BCAS3: variants seen among roughly 807,000 people sequenced by gnomAD.
The protein encoded by BCAS3 is BCAS3 microtubule associated cell migration factor, also known as BCAS4/BCAS3 fusion.
BCAS3 carries 53 observed loss-of-function variants against 116.1 expected under a neutral mutation model. The observed-to-expected ratio is 0.46, with a 90% CI of 0.37 to 0.57. The LOEUF is 0.57. Among genes scored for constraint, BCAS3 ranks in the 20% least tolerant of loss-of-function variants. BCAS3 has a pLI of 0.00. For missense variants in BCAS3, 917 were observed against 1,165.4 expected, an observed-to-expected ratio of 0.79 and a Z score of 3.10; for synonymous variants, 391 against 408.2, an observed-to-expected ratio of 0.96 and a Z score of 0.51.
chr17:61,122,698 G>A lies in BCAS3; in HGVS notation c.2425+38134G>A, dbSNP rs1312485829. On this transcript the variant is annotated intron_variant, in intron 22 of 23. Coordinates refer to ENST00000407086, the MANE Select transcript of BCAS3 (RefSeq NM_017679.5). The surrounding 1 kb of genome is among the most constrained non-coding windows in gnomAD (Gnocchi z 4.6). ...ATACATTTCCTTAAACTCACATGCT[G>A]AATTTTCCCACATAGACAAAAAACA... Among the ~76,000 whole-genome samples the A allele has an allele frequency of 6.6e-6, 1 of 152,000 alleles. No individual in the cohort carries two copies. Among genetic ancestry groups the A allele is most frequent in the Non-Finnish European group, 1.5e-5 (1 of 68,010 alleles).
Position 61,028,620 on chromosome 17 carries a change from A to G in BCAS3, c.1638-6046A>G, listed in dbSNP as rs1211635666. Among the ~76,000 whole-genome samples the G allele has an allele frequency of 6.6e-6, 1 of 151,962 alleles. No individual in the cohort carries two copies. Among genetic ancestry groups the G allele is most frequent in the Non-Finnish European group, 1.5e-5 (1 of 67,824 alleles). ...AATAACAACTGTTGTATGTTAAGTA[A>G]GTAAAGTTCATTCCTTCAACAGCTT... is the stretch of plus-strand genomic sequence containing the variant. On this transcript the variant is annotated intron_variant, in intron 16 of 23. Coordinates refer to ENST00000407086, the MANE Select transcript of BCAS3 (RefSeq NM_017679.5). This position sits in a 1 kb window ranked among gnomAD's most constrained non-coding sequence, Gnocchi z 4.3.
At chr17:61,263,487 C>A (rs865776738) in intron 22 of BCAS3, among the ~76,000 whole-genome samples, 1 of 152,216 alleles carries the variant, frequency 6.6e-6, no homozygotes. Flanking sequence ...GAGACCCAGT[C>A]GATGCTGCCC....
intron 22 of BCAS3, among the ~76,000 whole-genome samples, chr17:61,149,033 G>C (rs1008193115): frequency 2.0e-5 from 3 of 152,020 alleles, no homozygotes; most frequent in Non-Finnish European, 2.9e-5. Flanking sequence ...TCAACCCCAT[G>C]GTACTTCTAG....
In BCAS3 at chr17:61,075,218, G is replaced by A. The variant is rs959398879; in HGVS notation, c.2130+198G>A. Among the ~76,000 whole-genome samples, 5 of 151,958 alleles carry A rather than the reference G, an allele frequency of 3.3e-5. No homozygotes were observed. The East Asian group carries it at 7.7e-4, about 23-fold the overall frequency. On this transcript the variant is annotated intron_variant, in intron 20 of 23. Coordinates refer to ENST00000407086, the MANE Select transcript of BCAS3 (RefSeq NM_017679.5). ...TATACATATTATATATACATTATAC[G>A]TGTGTGTATATATATATATGTTAGC...
intron 22 of BCAS3, among the ~76,000 whole-genome samples, chr17:61,230,689 C>T (rs879783415): frequency 5.9e-5 from 9 of 152,128 alleles, no homozygotes; most frequent in Non-Finnish European, 5.9e-5. Flanking sequence ...CCAATCTGCT[C>T]GTAGATGGGC....
At chr17:61,147,037 C>A (rs929907404) in intron 22 of BCAS3, among the ~76,000 whole-genome samples, 2 of 151,922 alleles carry the variant, frequency 1.3e-5, no homozygotes, top group African/African-American at 4.8e-5. Context: ...GCCTCATCCT[C>A]CCGAGTAGTT....
At chr17:60,915,373 A>T (rs1382382750) in intron 12 of BCAS3, among the ~76,000 whole-genome samples, 1 of 152,154 alleles carries the variant, frequency 6.6e-6, no homozygotes, top group Non-Finnish European at 1.5e-5. Flanking sequence ...TTATGTGGGC[A>T]TGTATAGGGC....
At chr17:60,932,231 CTTTTGTTAATA>C (rs1261153841) in intron 13 of BCAS3, among the ~76,000 whole-genome samples, 1 of 152,010 alleles carries the variant, frequency 6.6e-6, no homozygotes, top group African/African-American at 2.4e-5. Context: ...TAGAGGTAAG[CTTTTGTTAATA>C]TTTTGTCCCC....
intron 22 of BCAS3, among the ~76,000 whole-genome samples, chr17:61,293,095 C>T (rs1223097979): frequency 6.6e-6 from 1 of 152,072 alleles, no homozygotes; most frequent in East Asian, 1.9e-4. Flanking sequence ...AATTTGGCAA[C>T]CAGCACATTT....
At chr17:61,110,721 C>T (rs1168390837) in intron 22 of BCAS3, among the ~76,000 whole-genome samples, 2 of 152,138 alleles carry the variant, frequency 1.3e-5, no homozygotes, top group African/African-American at 2.4e-5. Flanking sequence ...CCGGGAAGCT[C>T]CAACTGGGTG....
At chr17:61,277,965 A>G (rs992099774) in intron 22 of BCAS3, among the ~76,000 whole-genome samples, 1 of 152,260 alleles carries the variant, frequency 6.6e-6, no homozygotes, top group Non-Finnish European at 1.5e-5. Context: ...TTACCCTATT[A>G]TCCAACAATT....
intron 22 of BCAS3, among the ~76,000 whole-genome samples, chr17:61,099,134 A>G (rs1218903992): frequency 6.6e-6 from 1 of 152,018 alleles, no homozygotes; most frequent in Non-Finnish European, 1.5e-5. Context: ...AAAAAAAATA[A>G]AAGATACTCC....
chr17:60,916,109 G>A (rs561816374), intron 12 of BCAS3, among the ~76,000 whole-genome samples: 13 of 152,262 alleles, frequency 8.5e-5, no homozygotes, highest in East Asian at 7.7e-4. Flanking sequence ...TAAAGCTGTC[G>A]TGATCATTTG....
rs531156748 is a variant in BCAS3 at position 61,054,236 on chromosome 17, C to T, written c.2029+13344C>T. Among the ~76,000 whole-genome samples the T allele has an allele frequency of 2.6e-5, 4 of 152,328 alleles. No individual in the cohort carries two copies. The South Asian group carries it at 8.3e-4, about 32-fold the overall frequency. On this transcript the variant is annotated intron_variant, in intron 19 of 23. Transcript: ENST00000407086. The stretch of plus-strand genomic sequence containing the variant: ...TCGAGATGTTTCAACATTAAAAGTT[C>T]TTTCCATTACAACCTAATGATCTGT...
rs2067476481 is a variant in BCAS3 at position 61,041,196 on chromosome 17, A to T, written c.2029+304A>T. On this transcript the variant is annotated intron_variant, in intron 19 of 23. Transcript: ENST00000407086. The surrounding 1 kb of genome is among the most constrained non-coding windows in gnomAD (Gnocchi z 4.7). ...AAAACCACCACCTGAAAATGCTAGG[A>T]TATAATAAAAAGTTTCATAAAGCTT... is the stretch of plus-strand genomic sequence containing the variant. Among the ~76,000 whole-genome samples, 1 of 152,214 alleles carries T rather than the reference A, an allele frequency of 6.6e-6. No homozygotes were observed. The highest frequency in any genetic ancestry group is 1.9e-4 in the East Asian group (1 of 5,182).
At chr17:60,877,097 A>G (rs1759298812) in intron 9 of BCAS3, among the ~76,000 whole-genome samples, 1 of 152,050 alleles carries the variant, frequency 6.6e-6, no homozygotes, top group East Asian at 1.9e-4. Context: ...GAAGAAAATT[A>G]TTTATATAGG....
At chr17:60,972,195 G>A (rs961254114) in intron 14 of BCAS3, among the ~76,000 whole-genome samples, 67 of 152,220 alleles carry the variant, frequency 4.4e-4, no homozygotes, top group African/African-American at 1.6e-3. Flanking sequence ...ATTAATACCA[G>A]TTATATATTC....
chr17:61,203,840 G>C lies in BCAS3; in HGVS notation c.2425+119276G>C, dbSNP rs1053467730. Among the ~76,000 whole-genome samples the C allele has an allele frequency of 3.9e-5, 6 of 152,124 alleles. No homozygotes were observed. Among genetic ancestry groups the C allele is most frequent in the Non-Finnish European group, 8.8e-5 (6 of 68,036 alleles). ...CCTTGGCACTCAGTTGGGACAGTCAGCACTGCCCCTGCCCCAGAGCTAATT... is the reference window on the plus strand; with the variant it reads ...CCTTGGCACTCAGTTGGGACAGTCACCACTGCCCCTGCCCCAGAGCTAATT... On this transcript the variant is annotated intron_variant, in intron 22 of 23. Transcript: ENST00000407086. This position sits in a 1 kb window ranked among gnomAD's most constrained non-coding sequence, Gnocchi z 5.7.
chr17:60,737,517 A>C (rs1485676613), intron 5 of BCAS3, among the ~76,000 whole-genome samples: 1 of 151,994 alleles, frequency 6.6e-6, no homozygotes, highest in Non-Finnish European at 1.5e-5. Context: ...CTTGTTTTAT[A>C]ATATATTCAG....
Sources: gnomAD v4.1 joint callset for allele counts (sites outside exome capture counted in the v4.1 genomes callset) on GRCh38, gnomAD v4.1.1 for gene constraint, Gnocchi (gnomAD v3.1) non-coding constraint, MANE v1.5 for transcripts, NCBI Gene and HGNC (gene_info 2026-07-23, HGNC 2026-07-21) for gene names.